Variants in SCHIP1 observed in about 807,000 individuals in gnomAD.
SCHIP1 encodes schwannomin-interacting protein 1.
SCHIP1 carries 8 observed loss-of-function variants against 29.7 expected under a neutral mutation model. That is an observed-to-expected ratio of 0.27 (90% CI 0.16 to 0.49). The LOEUF (loss-of-function observed/expected upper bound fraction) is 0.49. Ranked by LOEUF, SCHIP1 falls within the 20% of genes least tolerant of loss-of-function variation. The probability of loss-of-function intolerance (pLI) is 0.99; values close to 1 mark genes in which losing one functional copy is unlikely to be tolerated. For synonymous variants in SCHIP1, 76 were observed against 94.9 expected (o/e 0.80, Z 1.16); for missense variants, 193 against 294.6 (o/e 0.66, Z 2.52).
chr3:159,417,338 C>T, the SCHIP1 span, among the ~76,000 whole-genome samples: 3 of 152,102 alleles, frequency 2.0e-5, no homozygotes, highest in Non-Finnish European at 2.9e-5. Flanking sequence ...TAAAGAGTCA[C>T]GCAATCACTC....
chr3:159,478,647 A>G, the SCHIP1 span, among the ~76,000 whole-genome samples: 2 of 152,166 alleles, frequency 1.3e-5, no homozygotes, highest in East Asian at 1.9e-4. Flanking sequence ...GATAGCATTG[A>G]ATTTTAGATC....
chr3:159,587,166 C>A, the SCHIP1 span, among the ~76,000 whole-genome samples: 2 of 152,140 alleles, frequency 1.3e-5, no homozygotes, highest in African/African-American at 4.8e-5. Flanking sequence ...AGAGATAAAA[C>A]CTGGAAAGCA....
At chr3:159,390,967 T>C in the SCHIP1 span, among the ~76,000 whole-genome samples, 1 of 152,198 alleles carries the variant, frequency 6.6e-6, no homozygotes, top group Non-Finnish European at 1.5e-5. Flanking sequence ...TTAATCACCC[T>C]ATAAAATGCT....
At chr3:159,356,517 A>C in the SCHIP1 span, among the ~76,000 whole-genome samples, 3 of 152,284 alleles carry the variant, frequency 2.0e-5, no homozygotes, top group South Asian at 6.2e-4. Context: ...AACCTGAAAA[A>C]ACTTTGATTT....
the SCHIP1 span, among the ~76,000 whole-genome samples, chr3:159,523,165 TAAA>T: frequency 6.6e-6 from 1 of 152,256 alleles, no homozygotes; most frequent in East Asian, 1.9e-4. Flanking sequence ...CCCTAAAAAA[TAAA>T]ATAAAATCTA....
chr3:159,283,221 C>G, the SCHIP1 span, among the ~76,000 whole-genome samples: 1 of 152,152 alleles, frequency 6.6e-6, no homozygotes, highest in Admixed American at 6.5e-5. Context: ...GGTATGATCT[C>G]AGCTCACTGC....
the SCHIP1 span, chr3:159,273,361 T>A: frequency 3.3e-5 from 33 of 995,322 alleles, no homozygotes; most frequent in Non-Finnish European, 3.9e-5. Flanking sequence ...CAGTGCCTTG[T>A]GGAATTCTTA....
intron 6 of SCHIP1, chr3:159,892,502 G>A (rs1445077625): frequency 5.6e-6 from 3 of 538,342 alleles, no homozygotes; most frequent in Non-Finnish European, 9.9e-6. Context: ...TGGGAAGCTG[G>A]GCATAAGCCA....
chr3:159,418,851 C>A, the SCHIP1 span, among the ~76,000 whole-genome samples: 1 of 152,298 alleles, frequency 6.6e-6, no homozygotes, highest in East Asian at 1.9e-4. Context: ...TCATAAAATT[C>A]TCTCCTCTTT....
At chr3:159,768,596 A>C in the SCHIP1 span, 2 of 152,314 alleles carry the variant, frequency 1.3e-5, no homozygotes, top group Non-Finnish European at 2.9e-5. Flanking sequence ...ATGGGTTTAG[A>C]AAACTAATCT....
chr3:159,663,461 G>A, the SCHIP1 span, among the ~76,000 whole-genome samples: 3 of 152,064 alleles, frequency 2.0e-5, no homozygotes, highest in African/African-American at 4.8e-5. Context: ...ACCTGGATGG[G>A]GTCTCTAGGA....
chr3:159,852,090 T>C (rs1213444555), intron 1 of SCHIP1, among the ~76,000 whole-genome samples: 2 of 152,190 alleles, frequency 1.3e-5, no homozygotes, highest in Non-Finnish European at 2.9e-5. Context: ...CTTCTACAAA[T>C]TGAATTTTTA....
the SCHIP1 span, among the ~76,000 whole-genome samples, chr3:159,650,342 C>T: frequency 6.6e-6 from 1 of 152,102 alleles, no homozygotes; most frequent in Non-Finnish European, 1.5e-5. Flanking sequence ...TTTGACTGGC[C>T]TACACATTTT....
At chr3:159,377,715 T>C in the SCHIP1 span, among the ~76,000 whole-genome samples, 2 of 152,256 alleles carry the variant, frequency 1.3e-5, no homozygotes, top group African/African-American at 2.4e-5. Flanking sequence ...CATATTTTTA[T>C]CTCTTCATCA....
At chr3:159,486,537 G>A in the SCHIP1 span, among the ~76,000 whole-genome samples, 51 of 152,154 alleles carry the variant, frequency 3.4e-4, no homozygotes, top group African/African-American at 5.8e-4. Flanking sequence ...TTTCTTCTAG[G>A]AGTTTTGTGA....
intron 2 of SCHIP1, among the ~76,000 whole-genome samples, chr3:159,874,562 G>A (rs1715589793): frequency 6.6e-6 from 1 of 152,222 alleles, no homozygotes; most frequent in Admixed American, 6.5e-5. Context: ...AATCCAGAGA[G>A]ACTTCAAAGA....
At chr3:159,431,158 A>C in the SCHIP1 span, among the ~76,000 whole-genome samples, 1 of 152,160 alleles carries the variant, frequency 6.6e-6, no homozygotes, top group African/African-American at 2.4e-5. Flanking sequence ...AAAACAACAC[A>C]AAGAGGTGGA....
At chr3:159,851,171 G>A (rs1166422346) in intron 1 of SCHIP1, among the ~76,000 whole-genome samples, 4 of 152,086 alleles carry the variant, frequency 2.6e-5, no homozygotes, top group Admixed American at 2.6e-4. Flanking sequence ...ATACTATCTA[G>A]TCCCAGCTAT....
the SCHIP1 span, among the ~76,000 whole-genome samples, chr3:159,626,127 T>C: frequency 8.3e-6 from 1 of 120,322 alleles, no homozygotes; most frequent in African/African-American, 5.7e-5. Flanking sequence ...GATAGATAGA[T>C]AGATAGATAG....
Sources: gnomAD v4.1 joint callset for allele counts (sites outside exome capture counted in the v4.1 genomes callset) on GRCh38, gnomAD v4.1.1 for gene constraint, MANE v1.5 for transcripts, NCBI Gene and HGNC (gene_info 2026-07-23, HGNC 2026-07-21) for gene names.